Variants in ZFPM2 observed in about 807,000 individuals in gnomAD.
ZFPM2 encodes the protein zinc finger protein ZFPM2.
Under a neutral mutation model 98.6 loss-of-function variants are expected in ZFPM2, and 20 were observed. That is an observed-to-expected ratio of 0.20 (90% CI 0.14 to 0.29). The LOEUF (loss-of-function observed/expected upper bound fraction) is 0.29, where lower values mean the gene tolerates loss of function less well. Among genes scored for constraint, ZFPM2 ranks in the 10% least tolerant of loss-of-function variants. The pLI is 1.00. For synonymous variants in ZFPM2, 518 were observed against 502.7 expected, an observed-to-expected ratio of 1.03 and a Z score of -0.41; for missense variants, 1,310 against 1,388.6, an observed-to-expected ratio of 0.94 and a Z score of 0.90.
chr8:105,542,872 T>C (rs1563709548), intron 3 of ZFPM2, among the ~76,000 whole-genome samples: 1 of 152,206 alleles, frequency 6.6e-6, no homozygotes, highest in Admixed American at 6.6e-5. Flanking sequence ...ACCTATCTTA[T>C]TCTAATTTTT....
At chr8:105,343,219 A>G (rs555208944) in intron 1 of ZFPM2, among the ~76,000 whole-genome samples, 62 of 152,248 alleles carry the variant, frequency 4.1e-4, no homozygotes, top group Admixed American at 1.5e-3. Context: ...TGAAAACTTC[A>G]TAGGTGTTTT....
At chr8:105,792,912 G>A (rs1292610389) in intron 6 of ZFPM2, among the ~76,000 whole-genome samples, 1 of 152,042 alleles carries the variant, frequency 6.6e-6, no homozygotes, top group African/African-American at 2.4e-5. Flanking sequence ...TGCAATCCCT[G>A]CCTTTTTTTG....
At chr8:105,751,446 A>C (rs1157343969) in intron 5 of ZFPM2, among the ~76,000 whole-genome samples, 2 of 152,220 alleles carry the variant, frequency 1.3e-5, no homozygotes, top group East Asian at 3.9e-4. Context: ...TGGGAAAACT[A>C]AAATGACAGG....
chr8:105,398,573 C>T (rs1267433504), intron 1 of ZFPM2, among the ~76,000 whole-genome samples: 4 of 152,034 alleles, frequency 2.6e-5, no homozygotes, highest in Non-Finnish European at 1.5e-5. Flanking sequence ...ACGGGTCTGC[C>T]TCACATCATC....
intron 4 of ZFPM2, among the ~76,000 whole-genome samples, chr8:105,579,794 T>A (rs1022931177): frequency 5.3e-5 from 8 of 150,960 alleles, no homozygotes; most frequent in African/African-American, 2.0e-4. Context: ...AAACTGATAA[T>A]TTTTTTTCAG....
chr8:105,372,994 C>A (rs1052411907), intron 1 of ZFPM2, among the ~76,000 whole-genome samples: 8 of 152,058 alleles, frequency 5.3e-5, no homozygotes, highest in African/African-American at 1.9e-4. Flanking sequence ...GATTATCTCC[C>A]AGTTCATATG....
chr8:105,785,947 CAGG>C (rs1371678519), intron 5 of ZFPM2, among the ~76,000 whole-genome samples: 1 of 145,042 alleles, frequency 6.9e-6, no homozygotes, highest in Admixed American at 7.5e-5. Context: ...GAGGCTGAGT[CAGG>C]AGAATGGCAT....
At chr8:105,334,089 A>T (rs1397459394) in intron 1 of ZFPM2, among the ~76,000 whole-genome samples, 3 of 148,064 alleles carry the variant, frequency 2.0e-5, no homozygotes, top group Admixed American at 6.8e-5. Flanking sequence ...CAGTATTTTC[A>T]TACCACTGCC....
chr8:105,552,338 C>A (rs1814875566), intron 3 of ZFPM2, among the ~76,000 whole-genome samples: 1 of 152,112 alleles, frequency 6.6e-6, no homozygotes, highest in African/African-American at 2.4e-5. Flanking sequence ...AAGATGATAC[C>A]CCCACTAACT....
At chr8:105,559,928 C>T (rs181602383) in intron 3 of ZFPM2, among the ~76,000 whole-genome samples, 34 of 152,120 alleles carry the variant, frequency 2.2e-4, no homozygotes, top group African/African-American at 8.2e-4. Flanking sequence ...TATTACTAGG[C>T]CAGGCGCGGT....
At chr8:105,373,652 A>G (rs1810666816) in intron 1 of ZFPM2, among the ~76,000 whole-genome samples, 1 of 152,242 alleles carries the variant, frequency 6.6e-6, no homozygotes, top group Admixed American at 6.5e-5. Flanking sequence ...AGAGAAATTA[A>G]TGCCTAACTG....
intron 3 of ZFPM2, among the ~76,000 whole-genome samples, chr8:105,521,833 T>C (rs2130550041): frequency 6.6e-6 from 1 of 152,246 alleles, no homozygotes; most frequent in Middle Eastern, 3.4e-3. Context: ...CACCTCGGCC[T>C]CCCAAAGTGC....
intron 6 of ZFPM2, chr8:105,795,928 A>ATACTT (rs1416287809): frequency 2.2e-5 from 6 of 271,656 alleles, no homozygotes; most frequent in East Asian, 1.2e-4. Flanking sequence ...AATCAAAAAT[A>ATACTT]TACTTTAAAA....
rs142047210 is a variant in ZFPM2, at chr8:105,556,302, C to T, written c.302-5061C>T. Among the ~76,000 whole-genome samples the T allele has an allele frequency of 7.0e-3, 1,069 of 152,162 alleles. 10 individuals carry two copies. Among genetic ancestry groups the T allele is most frequent in the Non-Finnish European group, 0.012 (833 of 68,014 alleles). ...TTGGATAAAGGTGACAAAGAGGGCA[C>T]GTGACCACAAGCAGACATCAATGAA... On this transcript the variant is annotated intron_variant, in intron 3 of 7. Coordinates refer to ENST00000407775, the MANE Select transcript of ZFPM2 (RefSeq NM_012082.4).
chr8:105,455,522 T>C (rs1456814468), intron 3 of ZFPM2, among the ~76,000 whole-genome samples: 3 of 152,098 alleles, frequency 2.0e-5, no homozygotes, highest in African/African-American at 4.8e-5. Context: ...AATACTATTA[T>C]TGGATTTAAA....
chr8:105,526,607 G>T (rs1329090304), intron 3 of ZFPM2, among the ~76,000 whole-genome samples: 1 of 152,132 alleles, frequency 6.6e-6, no homozygotes, highest in Non-Finnish European at 1.5e-5. Flanking sequence ...TGGAAATGGT[G>T]ATCTCAAGTG....
chr8:105,513,118 G>T (rs368268981), intron 3 of ZFPM2, among the ~76,000 whole-genome samples: 254 of 152,200 alleles, frequency 1.7e-3, no homozygotes, highest in African/African-American at 5.9e-3. Context: ...GTTGTGGAAT[G>T]GTGGGCCCAA....
At chr8:105,479,934 C>A (rs1813083564) in intron 3 of ZFPM2, among the ~76,000 whole-genome samples, 1 of 151,916 alleles carries the variant, frequency 6.6e-6, no homozygotes, top group Non-Finnish European at 1.5e-5. Context: ...AAGTATTTTT[C>A]TGTTTCAATG....
chr8:105,359,176 G>A (rs910353405), intron 1 of ZFPM2, among the ~76,000 whole-genome samples: 12 of 151,922 alleles, frequency 7.9e-5, no homozygotes, highest in African/African-American at 2.9e-4. Context: ...ATAGATGGTA[G>A]TTTTCCCCAT....
Sources: gnomAD v4.1 joint callset for allele counts (sites outside exome capture counted in the v4.1 genomes callset) on GRCh38, gnomAD v4.1.1 for gene constraint, MANE v1.5 for transcripts, NCBI Gene and HGNC (gene_info 2026-07-23, HGNC 2026-07-21) for gene names.